The following CNKSR2 variants were observed in gnomAD, a reference collection of about 807,000 sequenced individuals.
CNKSR2 encodes the protein CNK homolog protein 2.
Under a neutral mutation model 84.4 loss-of-function variants are expected in CNKSR2, and 14 were observed. That is an observed-to-expected ratio of 0.17 (90% CI 0.11 to 0.26). The LOEUF is 0.26. CNKSR2 is among the 10% of genes least tolerant of loss of function. The probability of loss-of-function intolerance (pLI) is 1.00; values close to 1 mark genes in which losing one functional copy is unlikely to be tolerated. For missense variants in CNKSR2, 485 were observed against 771.2 expected, an observed-to-expected ratio of 0.63 and a Z score of 4.40; for synonymous variants, 275 against 277.9, an observed-to-expected ratio of 0.99 and a Z score of 0.10.
At position 21,652,294 on chromosome X, in the gene CNKSR2, T is replaced by G; in HGVS notation, c.2890-12T>G. On this transcript the variant is annotated splice_polypyrimidine_tract_variant and intron_variant, in intron 21 of 21. Transcript: ENST00000379510. ...GTCCCTGTCTTAATTGTTGAATCCTTTTTCTTTTCAGGCCAGAGAAGGGGA... is the reference window on the plus strand; with the variant it reads ...GTCCCTGTCTTAATTGTTGAATCCTGTTTCTTTTCAGGCCAGAGAAGGGGA... 8.4e-7 allele frequency: 1 copy of G among 1,187,354 alleles called. No homozygotes were observed. The highest frequency in any genetic ancestry group is 1.1e-6 in the Non-Finnish European group (1 of 875,629).
At chrX:21,534,657 T>C (rs1203603090) in intron 11 of CNKSR2, among the ~76,000 whole-genome samples, 2 of 111,481 alleles carry the variant, frequency 1.8e-5, no homozygotes, top group East Asian at 5.6e-4. Context: ...TATCTCTTTG[T>C]GGTTTTAATT....
chrX:21,642,426 G>C (rs896814272), intron 20 of CNKSR2: 1 of 747,087 alleles, frequency 1.3e-6, no homozygotes, highest in African/African-American at 2.3e-5. Context: ...AAAGTATTTT[G>C]TCTGGATGTC....
At chrX:21,584,269 C>T (rs2092371543) in intron 13 of CNKSR2, among the ~76,000 whole-genome samples, 2 of 112,074 alleles carry the variant, frequency 1.8e-5, no homozygotes, top group African/African-American at 6.5e-5. Flanking sequence ...GATTCATAGA[C>T]TTCTTCAAGT....
intron 21 of CNKSR2, among the ~76,000 whole-genome samples, chrX:21,651,344 A>G (rs1331911829): frequency 9.0e-6 from 1 of 111,675 alleles, no homozygotes; most frequent in Non-Finnish European, 1.9e-5. Context: ...TAGCTGGCCA[A>G]GCAACCCTGG....
chrX:21,383,351 G>C (rs1181893944), intron 1 of CNKSR2, among the ~76,000 whole-genome samples: 2 of 112,463 alleles, frequency 1.8e-5, no homozygotes, highest in Admixed American at 9.4e-5. Context: ...TAAATGCATT[G>C]AACTTTAAAT....
At chrX:21,550,548 C>A (rs1453327076) in intron 11 of CNKSR2, among the ~76,000 whole-genome samples, 3 of 111,893 alleles carry the variant, frequency 2.7e-5, no homozygotes, top group Non-Finnish European at 5.6e-5. Flanking sequence ...AGCATTTGAC[C>A]CAGCAATCCC....
chrX:21,640,638 A>G lies in CNKSR2; in HGVS notation c.2693-8193A>G, dbSNP rs193038062. ...CATGCTTTCTCTATTCTCTCTCCCA[A>G]CTTGTTCCTTCTTTTCTCAATATGA... On this transcript the variant is annotated intron_variant, in intron 20 of 21. Coordinates refer to ENST00000379510, the MANE Select transcript of CNKSR2 (RefSeq NM_014927.5). Among the ~76,000 whole-genome samples the G allele has an allele frequency of 5.1e-4, 57 of 111,568 alleles. 1 individual carries two copies. The Admixed American group carries it at 5.2e-3, about 10-fold the overall frequency.
intron 20 of CNKSR2, among the ~76,000 whole-genome samples, chrX:21,636,339 A>G (rs1365524395): frequency 9.0e-6 from 1 of 111,605 alleles, no homozygotes; most frequent in Admixed American, 9.6e-5. Flanking sequence ...AGTTAAAAAA[A>G]AAAAGTCTAC....
intron 20 of CNKSR2, among the ~76,000 whole-genome samples, chrX:21,629,067 G>A (rs1167674321): frequency 8.9e-6 from 1 of 112,268 alleles, no homozygotes; most frequent in East Asian, 2.8e-4. Context: ...CATCTCTCAA[G>A]TTCAAAGTTC....
At chrX:21,596,370 A>T (rs1172893122) in intron 17 of CNKSR2, among the ~76,000 whole-genome samples, 2 of 111,997 alleles carry the variant, frequency 1.8e-5, no homozygotes, top group African/African-American at 3.2e-5. Context: ...TAAAGTGAAA[A>T]TAAGACTGAC....
chrX:21,593,821 T>C (rs1185319022), intron 15 of CNKSR2: 1 of 111,569 alleles, frequency 9.0e-6, no homozygotes, highest in Non-Finnish European at 1.9e-5. Context: ...ATAATTGTTA[T>C]AAGACGCTGA....
chrX:21,591,453 G>A, intron 15 of CNKSR2: 1 of 190,162 alleles, frequency 5.3e-6, no homozygotes, highest in Non-Finnish European at 9.7e-6. Flanking sequence ...AAATAAAAAT[G>A]CGAAGCTAAT....
chrX:21,626,178 G>C (rs1257609619), intron 20 of CNKSR2, among the ~76,000 whole-genome samples: 3 of 100,090 alleles, frequency 3.0e-5, no homozygotes, highest in African/African-American at 1.1e-4. Flanking sequence ...CAGAGGATGT[G>C]ACATTCAAGC....
chrX:21,522,062 C>T (rs745971972), intron 9 of CNKSR2, among the ~76,000 whole-genome samples: 9 of 111,063 alleles, frequency 8.1e-5, no homozygotes, highest in Non-Finnish European at 1.5e-4. Flanking sequence ...TATGTGAATT[C>T]TTGCTGCTTA....
intron 1 of CNKSR2, among the ~76,000 whole-genome samples, chrX:21,407,809 C>T (rs2090284718): frequency 8.9e-6 from 1 of 111,940 alleles, no homozygotes; most frequent in Non-Finnish European, 1.9e-5. Context: ...ATGAATCACA[C>T]ACTTCTTAAA....
intron 5 of CNKSR2, among the ~76,000 whole-genome samples, chrX:21,475,683 T>G (rs983276206): frequency 1.8e-5 from 2 of 110,971 alleles, no homozygotes; most frequent in Admixed American, 1.9e-4. Flanking sequence ...CCCTAAATCT[T>G]TATTTTGTCC....
At chrX:21,604,062 C>A (rs912007443) in intron 18 of CNKSR2, among the ~76,000 whole-genome samples, 1 of 111,650 alleles carries the variant, frequency 9.0e-6, no homozygotes, top group African/African-American at 3.3e-5. Context: ...TAGTTTTCAT[C>A]CTCTAAGCAA....
intron 3 of CNKSR2, among the ~76,000 whole-genome samples, chrX:21,433,819 C>G (rs946625871): frequency 5.5e-5 from 6 of 109,707 alleles, no homozygotes; most frequent in Non-Finnish European, 1.1e-4. Context: ...TTTATATATA[C>G]TTATACATAA....
chrX:21,444,455 G>A (rs2090825372), intron 4 of CNKSR2, among the ~76,000 whole-genome samples: 1 of 111,169 alleles, frequency 9.0e-6, no homozygotes, highest in Non-Finnish European at 1.9e-5. Context: ...TCAACAAACA[G>A]TATAAACTTG....
Sources: allele counts gnomAD v4.1 joint callset (sites outside exome capture counted in the v4.1 genomes callset), GRCh38; gene constraint gnomAD v4.1.1; transcripts MANE v1.5; gene names NCBI Gene and HGNC (gene_info 2026-07-23, HGNC 2026-07-21).